Variants in IP6K2 observed in about 807,000 individuals in gnomAD.
The protein encoded by IP6K2 is inositol hexakisphosphate kinase 2, also known as ATP:1D-myo-inositol-hexakisphosphate phosphotransferase.
A neutral mutation model predicts 43.3 loss-of-function variants in IP6K2; 9 were observed. That is an observed-to-expected ratio of 0.21 (90% CI 0.13 to 0.36). The LOEUF (loss-of-function observed/expected upper bound fraction) is 0.36. IP6K2 is among the 10% of genes least tolerant of loss of function. The pLI is 1.00. For synonymous variants in IP6K2, 209 were observed against 202.4 expected, an observed-to-expected ratio of 1.03 and a Z score of -0.28; for missense variants, 332 against 538.4, an observed-to-expected ratio of 0.62 and a Z score of 3.79.
In IP6K2 at chr3:48,695,152, C is replaced by T; in HGVS notation, c.140G>A (p.Arg47Lys). 1 of 1,609,362 alleles carries T rather than the reference C, an allele frequency of 6.2e-7. No homozygotes were observed. The highest frequency in any genetic ancestry group is 8.5e-7 in the Non-Finnish European group (1 of 1,176,278). Residue 47 changes from arginine (R) to lysine (K), a missense_variant, in exon 2 of 6, where the codon AGG (arginine) becomes AAG (lysine). Transcript: ENST00000328631. This position sits in a 1 kb window ranked among gnomAD's most constrained non-coding sequence, Gnocchi z 4.6. ...ETTLCKPLVP[R>K]EHQFYETLPA... ...GAGGGTCTCGTAGAACTGATGTTCC[C>T]TTGGGACCAGGGGCTTGCACAGGGT...
rs142995748 is a variant in IP6K2 at position 48,704,742 on chromosome 3, G to A, written c.-130-9321C>T. Among the ~76,000 whole-genome samples, 519 of 152,142 alleles carry A rather than the reference G, an allele frequency of 3.4e-3. 5 individuals are homozygous for A. The highest frequency in any genetic ancestry group is 0.012 in the African/African-American group (494 of 41,536). On this transcript the variant is annotated intron_variant, in intron 1 of 5. Coordinates refer to ENST00000328631, the MANE Select transcript of IP6K2 (RefSeq NM_016291.4). ...CCTGCCTTGGCCTCCCAAAGTGCTG[G>A]GATTAGAGGCGTGTGCCACCGCACC...
intron 1 of IP6K2, among the ~76,000 whole-genome samples, chr3:48,714,482 C>A (rs2080947126): frequency 6.6e-6 from 1 of 152,020 alleles, no homozygotes; most frequent in Admixed American, 6.6e-5. Flanking sequence ...AATCTCCACC[C>A]CCTGGGTTCA....
intron 1 of IP6K2, among the ~76,000 whole-genome samples, chr3:48,698,692 C>T (rs757820868): frequency 9.2e-5 from 14 of 152,068 alleles, no homozygotes; most frequent in Non-Finnish European, 1.9e-4. Flanking sequence ...AGGCTGGTCT[C>T]GAAATCCTGA....
rs571299199 is a variant in IP6K2 at position 48,688,377 on chromosome 3, C to T, written c.1177G>A (p.Gly393Ser). Residue 393 changes from glycine to serine, a missense_variant, in exon 6 of 6, where the codon GGC becomes AGC. Gly to Ser is a moderately conservative substitution (Grantham distance 56, BLOSUM62 0). Transcript: ENST00000328631. The surrounding 1 kb of genome is among the most constrained non-coding windows in gnomAD (Gnocchi z 5.1). The part of the protein sequence containing the change: ...DFAHTTCRLY[G>S]EDTVVHEGQD... ...CCCTCATGCACCACGGTGTCCTCGC[C>T]ATACAGCCTGCAGGTGGTGTGTGCA... 2 of 1,614,244 alleles carry T rather than the reference C, an allele frequency of 1.2e-6. No individual in the cohort carries two copies. The highest frequency in any genetic ancestry group is 2.7e-5 in the African/African-American group (2 of 75,066).
intron 1 of IP6K2, among the ~76,000 whole-genome samples, chr3:48,702,427 C>T (rs1171058532): frequency 4.6e-5 from 7 of 151,364 alleles, no homozygotes; most frequent in Admixed American, 2.0e-4. Context: ...TCCTTCAGCC[C>T]TTTGTGCAAA....
At chr3:48,708,547 G>T (rs1011537380) in intron 1 of IP6K2, among the ~76,000 whole-genome samples, 1 of 141,906 alleles carries the variant, frequency 7.0e-6, no homozygotes, top group Non-Finnish European at 1.6e-5. Context: ...ACAAATAGCT[G>T]AATGTATTCT....
intron 1 of IP6K2, chr3:48,699,733 C>T (rs1302056473): frequency 1.3e-5 from 2 of 152,166 alleles, no homozygotes; most frequent in Non-Finnish European, 2.9e-5. Context: ...TTCTGCTACT[C>T]AATAGCGTGG....
intron 1 of IP6K2, chr3:48,715,591 G>A: frequency 1.1e-6 from 1 of 905,954 alleles, no homozygotes. Context: ...CCAGGTCCCT[G>A]CCTTGCTCCC....
At chr3:48,693,862 G>A (rs1001062959) in intron 2 of IP6K2, 1 of 1,180,238 alleles carries the variant, frequency 8.5e-7, no homozygotes, top group Non-Finnish European at 1.0e-6. Flanking sequence ...GGGGAGCACA[G>A]ACATGTGGTG....
At chr3:48,694,099 CT>C in intron 2 of IP6K2, 1 of 1,490,548 alleles carries the variant, frequency 6.7e-7, no homozygotes, top group Non-Finnish European at 8.9e-7. Flanking sequence ...AGAGATGACA[CT>C]TCTGAGGTGG....
At chr3:48,708,167 C>G (rs1038326457) in intron 1 of IP6K2, 2 of 151,924 alleles carry the variant, frequency 1.3e-5, no homozygotes, top group Non-Finnish European at 2.9e-5. Context: ...GTCACTGGAG[C>G]CTGGGAGGTC....
chr3:48,694,891 G>A (rs551179391), intron 2 of IP6K2, 199 bp downstream of exon 2: 2 of 1,540,204 alleles, frequency 1.3e-6, no homozygotes, highest in South Asian at 2.4e-5. Flanking sequence ...AAACAGAATT[G>A]AGCAATCTTA....
chr3:48,714,733 GAGGCTGAGGC>G (rs969422083), intron 1 of IP6K2, among the ~76,000 whole-genome samples: 34 of 151,838 alleles, frequency 2.2e-4, no homozygotes, highest in Non-Finnish European at 1.5e-4. Context: ...GCCAGGCGCG[GAGGCTGAGGC>G]AGGCTGAGGC....
rs1411965318 is a variant in IP6K2, at chr3:48,688,739, A to G, written c.815T>C (p.Met272Thr). ...YQAGSGQLMF[M>T]NKYHGRKLSV... The stretch of plus-strand genomic sequence containing the variant: ...TAGCTTCCGTCCATGGTACTTGTTC[A>G]TGAACATGAGCTGCCCACTGCCTGC... Residue 272 changes from methionine (M) to threonine (T), a missense_variant, in exon 6 of 6, where the codon ATG (methionine) becomes ACG (threonine). By Grantham distance (81) the Met-to-Thr change is moderately conservative. Transcript: ENST00000328631. This position sits in a 1 kb window ranked among gnomAD's most constrained non-coding sequence, Gnocchi z 5.1. 2 of 1,613,690 alleles carry G rather than the reference A, an allele frequency of 1.2e-6. No homozygotes were observed. The highest frequency in any genetic ancestry group is 8.5e-7 in the Non-Finnish European group (1 of 1,179,726).
intron 1 of IP6K2, among the ~76,000 whole-genome samples, chr3:48,706,710 C>A (rs930123819): frequency 1.3e-5 from 2 of 152,062 alleles, no homozygotes; most frequent in Non-Finnish European, 2.9e-5. Context: ...CGTAGTGGCA[C>A]GGGCCCATAG....
chr3:48,692,887 G>A, intron 3 of IP6K2, 67 bp downstream of exon 3: 1 of 1,179,270 alleles, frequency 8.5e-7, no homozygotes, highest in Non-Finnish European at 1.3e-6. Context: ...AGGGAACTGG[G>A]CTGTAACCAA....
intron 2 of IP6K2, chr3:48,693,652 G>A (rs1295469405): frequency 2.7e-6 from 3 of 1,100,742 alleles, no homozygotes; most frequent in African/African-American, 3.3e-5. Context: ...AAGAGTAAGG[G>A]AAGACTGGGT....
chr3:48,709,384 G>A (rs2080210023), intron 1 of IP6K2, among the ~76,000 whole-genome samples: 1 of 152,154 alleles, frequency 6.6e-6, no homozygotes, highest in Admixed American at 6.5e-5. Context: ...TCAACATCTC[G>A]CTTAGACAAA....
At chr3:48,707,121 T>C (rs918103960) in intron 1 of IP6K2, among the ~76,000 whole-genome samples, 1 of 152,216 alleles carries the variant, frequency 6.6e-6, no homozygotes, top group Non-Finnish European at 1.5e-5. Context: ...AAGATCATGA[T>C]TGCCCGCTTT....
Sources: gnomAD v4.1 joint callset for allele counts (sites outside exome capture counted in the v4.1 genomes callset) on GRCh38, gnomAD v4.1.1 for gene constraint, Gnocchi (gnomAD v3.1) non-coding constraint, MANE v1.5 for transcripts, NCBI Gene and HGNC (gene_info 2026-07-23, HGNC 2026-07-21) for gene names.